The following SVOPL variants were observed in gnomAD, a reference collection of about 807,000 sequenced individuals.
SVOPL encodes SVOP like.
A neutral mutation model predicts 61.0 loss-of-function variants in SVOPL; 60 were observed. The ratio of observed to expected loss-of-function variants is 0.98; its 90% CI spans 0.80 to 1.22. The LOEUF is 1.22. Ranked by LOEUF, SVOPL falls within the 50% of genes most tolerant of loss-of-function variation. The pLI, the probability that SVOPL is intolerant of heterozygous loss-of-function variation, is 0.00. For synonymous variants in SVOPL, 279 were observed against 250.0 expected (o/e 1.12, Z -1.09); for missense variants, 662 against 643.9 (o/e 1.03, Z -0.30).
chr7:138,686,561 GGTTT>G (rs777060736), intron 1 of SVOPL, among the ~76,000 whole-genome samples: 26,828 of 131,006 alleles, frequency 0.2, 2,607 homozygotes, highest in Middle Eastern at 0.3. Flanking sequence ...TTGTTTTTTG[GGTTT>G]TTTTTTTTTT....
chr7:138,596,419 G>A lies in SVOPL; in HGVS notation c.1465C>T (p.Gln489Ter). The A allele has an allele frequency of 6.2e-7, 1 of 1,613,570 alleles. No homozygotes were observed. The highest frequency in any genetic ancestry group is 1.7e-5 in the Admixed American group (1 of 59,968). ...LPIETKGRAL[Q>*]QIK ...TCAGAGTTCCCTGCATCACTCACCT[G>A]GAGGGCCCGTCCTTTGGTTTCGATG... is the stretch of plus-strand genomic sequence containing the variant. Residue 489 changes from glutamine to a stop codon, truncating the protein, a stop_gained and splice_region_variant, in exon 15 of 16, where the codon CAG (glutamine) becomes TAG (stop). Transcript: ENST00000674285. LOFTEE classifies it high-confidence loss of function.
Position 138,621,126 on chromosome 7 carries a change from T to G in SVOPL, c.1273A>C (p.Thr425Pro). 1 of 1,613,522 alleles carries G rather than the reference T, an allele frequency of 6.2e-7. No homozygotes were observed. Among genetic ancestry groups the G allele is most frequent in the Non-Finnish European group, 8.5e-7 (1 of 1,179,784 alleles). ...VYIYTAEVYP[T>P]TMRALGMGTS... ...CCCATCCCCAAAGCGCGCATCGTGG[T>G]GGGGTAGACCTGCAGGGAGAGGCAC... Residue 425 changes from threonine (T) to proline (P), a missense_variant, in exon 14 of 16, where the codon ACC (threonine) becomes CCC (proline). By Grantham distance (38) the Thr-to-Pro change is conservative (BLOSUM62 -1). Coordinates refer to ENST00000674285, the MANE Select transcript of SVOPL (RefSeq NM_001139456.2).
At chr7:138,638,829 A>G (rs1800632288) in intron 9 of SVOPL, among the ~76,000 whole-genome samples, 1 of 152,246 alleles carries the variant, frequency 6.6e-6, no homozygotes, top group Non-Finnish European at 1.5e-5. Flanking sequence ...AAGTTAATAA[A>G]AGGAAGTGCA....
chr7:138,641,191 C>A (rs183191907), intron 9 of SVOPL, among the ~76,000 whole-genome samples: 2 of 148,792 alleles, frequency 1.3e-5, no homozygotes, highest in East Asian at 2.0e-4. Context: ...AGAGTGAGAC[C>A]CCATCACAAA....
intron 14 of SVOPL, among the ~76,000 whole-genome samples, chr7:138,609,338 T>G (rs149200820): frequency 6.6e-6 from 1 of 151,928 alleles, no homozygotes; most frequent in Non-Finnish European, 1.5e-5. Flanking sequence ...AGGAGATAAT[T>G]GCACAATTGG....
At chr7:138,666,895 C>A (rs1802277742) in intron 4 of SVOPL, among the ~76,000 whole-genome samples, 1 of 152,178 alleles carries the variant, frequency 6.6e-6, no homozygotes, top group South Asian at 2.1e-4. Context: ...ACATAAAACC[C>A]AACCTGTCCT....
rs1801511603 is a variant in SVOPL, at chr7:138,652,901, C to T, written c.534+3547G>A. 4.6e-5 allele frequency among the ~76,000 whole-genome samples: 7 copies of T among 152,328 alleles called. No homozygotes were observed. The South Asian group carries it at 1.4e-3, about 32-fold the overall frequency. ...TCTACCTCCCAAAGTGCTGGGATTA[C>T]AGGCGTGAGCCACCGCTCCCAGCAG... On this transcript the variant is annotated intron_variant, in intron 7 of 15. Coordinates refer to ENST00000674285, the MANE Select transcript of SVOPL (RefSeq NM_001139456.2).
intron 7 of SVOPL, among the ~76,000 whole-genome samples, chr7:138,652,010 C>G (rs1801463647): frequency 6.6e-6 from 1 of 152,064 alleles, no homozygotes; most frequent in African/African-American, 2.4e-5. Flanking sequence ...AGTGATCCTC[C>G]CATCTCAGCC....
At chr7:138,688,990 A>G in intron 1 of SVOPL, 1 of 653,508 alleles carries the variant, frequency 1.5e-6, no homozygotes, top group Non-Finnish European at 2.9e-6. Context: ...ATGGTTTGCT[A>G]TTCACTTGAC....
chr7:138,642,849 AAG>A (rs1473353232), intron 9 of SVOPL, among the ~76,000 whole-genome samples: 299 of 7,258 alleles, frequency 0.041, 8 homozygotes, highest in Middle Eastern at 0.25. Flanking sequence ...AAAAAAAAAA[AAG>A]AAGAAACAAA....
intron 9 of SVOPL, among the ~76,000 whole-genome samples, chr7:138,635,541 A>G (rs1800430107): frequency 6.6e-6 from 1 of 151,946 alleles, no homozygotes; most frequent in Non-Finnish European, 1.5e-5. Context: ...CCCAGCCAGG[A>G]GTTTTGTTTT....
At chr7:138,606,971 CA>C (rs377374511) in intron 14 of SVOPL, among the ~76,000 whole-genome samples, 155 of 77,122 alleles carry the variant, frequency 2.0e-3, no homozygotes, top group African/African-American at 3.3e-3. Context: ...CAAAACAAAA[CA>C]AAAAAAGAAT....
intron 14 of SVOPL, among the ~76,000 whole-genome samples, chr7:138,603,018 CAT>C (rs1206843253): frequency 6.6e-6 from 1 of 152,014 alleles, no homozygotes; most frequent in East Asian, 1.9e-4. Flanking sequence ...GTATATAATA[CAT>C]ATAACATGTA....
At chr7:138,615,616 A>AGG (rs1414720018) in intron 14 of SVOPL, among the ~76,000 whole-genome samples, 1 of 85,832 alleles carries the variant, frequency 1.2e-5, no homozygotes, top group Non-Finnish European at 2.6e-5. Context: ...CCAACATGGT[A>AGG]AAATCCCATC....
At chr7:138,638,649 C>A (rs1479609330) in intron 9 of SVOPL, among the ~76,000 whole-genome samples, 2 of 78,572 alleles carry the variant, frequency 2.5e-5, no homozygotes, top group Non-Finnish European at 7.0e-5. Flanking sequence ...AACTTAAGTT[C>A]AAAGAAAAAA....
At chr7:138,670,665 C>A (rs1240839321) in intron 4 of SVOPL, among the ~76,000 whole-genome samples, 1 of 152,200 alleles carries the variant, frequency 6.6e-6, no homozygotes, top group Non-Finnish European at 1.5e-5. Flanking sequence ...GAGGCTGATA[C>A]AATAAAATTC....
intron 14 of SVOPL, among the ~76,000 whole-genome samples, chr7:138,600,267 T>A (rs1219170905): frequency 6.6e-6 from 1 of 152,188 alleles, no homozygotes; most frequent in African/African-American, 2.4e-5. Context: ...AGACAAGATA[T>A]AATTTATCGT....
At chr7:138,633,746 G>A (rs1299748805) in intron 9 of SVOPL, among the ~76,000 whole-genome samples, 1 of 152,144 alleles carries the variant, frequency 6.6e-6, no homozygotes, top group Non-Finnish European at 1.5e-5. Flanking sequence ...TGATGAATAT[G>A]GGGAAGGTTC....
chr7:138,607,623 A>T (rs566078620), intron 14 of SVOPL, among the ~76,000 whole-genome samples: 5 of 152,326 alleles, frequency 3.3e-5, no homozygotes, highest in African/African-American at 1.2e-4. Flanking sequence ...TTGGTGGAGT[A>T]GAGATGGCTG....
Sources: gnomAD v4.1 joint callset for allele counts (sites outside exome capture counted in the v4.1 genomes callset) on GRCh38, gnomAD v4.1.1 for gene constraint, MANE v1.5 for transcripts, NCBI Gene and HGNC (gene_info 2026-07-23, HGNC 2026-07-21) for gene names.